ARHGEF28: variants seen among roughly 807,000 people sequenced by gnomAD.
The protein encoded by ARHGEF28 is Rho guanine nucleotide exchange factor 28.
ARHGEF28 carries 152 observed loss-of-function variants against 206.6 expected under a neutral mutation model. The ratio of observed to expected loss-of-function variants is 0.74; its 90% CI spans 0.64 to 0.84. The LOEUF is 0.84. ARHGEF28 is among the 40% of genes least tolerant of loss of function. The pLI is 0.00. For synonymous variants in ARHGEF28, 763 were observed against 776.4 expected (o/e 0.98, Z 0.29); for missense variants, 2,028 against 2,073.2 (o/e 0.98, Z 0.42).
chr5:73,642,514 C>G lies in ARHGEF28; in HGVS notation c.-12+16192C>G, dbSNP rs78513156. Among the ~76,000 whole-genome samples, 801 of 152,192 alleles carry G rather than the reference C, an allele frequency of 5.3e-3. 4 individuals carry two copies. The highest frequency in any genetic ancestry group is 0.018 in the African/African-American group (750 of 41,512). The stretch of plus-strand genomic sequence containing the variant: ...CTGTTCCCAGTGTGTTTAATGCATT[C>G]CAGGAGTCTGTTTGCATTTTAAATG... On this transcript the variant is annotated intron_variant, in intron 1 of 35. Transcript: ENST00000513042.
intron 1 of ARHGEF28, among the ~76,000 whole-genome samples, chr5:73,668,010 T>A (rs566080243): frequency 6.6e-6 from 1 of 152,354 alleles, no homozygotes; most frequent in African/African-American, 2.4e-5. Flanking sequence ...CATTCATATT[T>A]CTACCACATT....
chr5:73,764,100 C>G (rs1438961786), intron 4 of ARHGEF28, among the ~76,000 whole-genome samples: 4 of 152,188 alleles, frequency 2.6e-5, no homozygotes, highest in Non-Finnish European at 5.9e-5. Flanking sequence ...ATTACAGCCC[C>G]CTGGCAATCC....
intron 9 of ARHGEF28, among the ~76,000 whole-genome samples, chr5:73,812,617 T>C (rs1755911417): frequency 6.6e-6 from 1 of 151,996 alleles, no homozygotes; most frequent in Non-Finnish European, 1.5e-5. Context: ...AGTGCCACGA[T>C]TTATGGGGAG....
rs2973559 is a variant in ARHGEF28, at chr5:73,865,733, C to A, written c.2104-232C>A. Among the ~76,000 whole-genome samples the A allele has an allele frequency of 0.27, 41,123 of 151,958 alleles. 6,164 individuals are homozygous for A. Among genetic ancestry groups the A allele is most frequent in the Admixed American group, 0.38 (5,808 of 15,266 alleles). The stretch of plus-strand genomic sequence containing the variant: ...GTTCCCCTGAGGCTTTTAATGAAGC[C>A]AGGAGTGTTCAGGAGGCGCATGTTC... On this transcript the variant is annotated intron_variant, in intron 17 of 35. Transcript: ENST00000513042.
At chr5:73,742,141 T>G (rs2112378977) in intron 2 of ARHGEF28, among the ~76,000 whole-genome samples, 1 of 152,322 alleles carries the variant, frequency 6.6e-6, no homozygotes, top group South Asian at 2.1e-4. Context: ...AGCTTTTTCT[T>G]GGTTAGTTTT....
At chr5:73,740,435 T>C (rs1052452972) in intron 2 of ARHGEF28, among the ~76,000 whole-genome samples, 1 of 152,180 alleles carries the variant, frequency 6.6e-6, no homozygotes, top group Non-Finnish European at 1.5e-5. Context: ...TGCTTGTTCC[T>C]CCTAAGCTGA....
intron 1 of ARHGEF28, among the ~76,000 whole-genome samples, chr5:73,652,662 GA>G (rs1744908260): frequency 6.6e-6 from 1 of 152,186 alleles, no homozygotes; most frequent in South Asian, 2.1e-4. Context: ...ATATTGCTCC[GA>G]AAAGGTCATT....
intron 2 of ARHGEF28, among the ~76,000 whole-genome samples, chr5:73,725,487 T>C (rs1418095812): frequency 1.3e-5 from 2 of 149,752 alleles, no homozygotes; most frequent in Non-Finnish European, 3.0e-5. Flanking sequence ...TTAACTGTTA[T>C]TTAAATGGTG....
chr5:73,642,009 T>C (rs1554049853), intron 1 of ARHGEF28, among the ~76,000 whole-genome samples: 1 of 152,218 alleles, frequency 6.6e-6, no homozygotes, highest in Non-Finnish European at 1.5e-5. Context: ...CTGCGGGGTT[T>C]GTAGCCTGTT....
At chr5:73,721,218 G>A (rs1050558944) in intron 2 of ARHGEF28, among the ~76,000 whole-genome samples, 2 of 152,168 alleles carry the variant, frequency 1.3e-5, no homozygotes, top group South Asian at 4.1e-4. Context: ...CTGGGAATAG[G>A]CTGGGTTGCA....
chr5:73,855,863 G>A (rs774963892), intron 14 of ARHGEF28, among the ~76,000 whole-genome samples: 1 of 152,182 alleles, frequency 6.6e-6, no homozygotes, highest in African/African-American at 2.4e-5. Context: ...AAGGGAGTTG[G>A]GAGTAGAGTT....
intron 1 of ARHGEF28, among the ~76,000 whole-genome samples, chr5:73,660,099 T>G (rs1051848823): frequency 6.6e-6 from 1 of 152,236 alleles, no homozygotes; most frequent in Admixed American, 6.5e-5. Flanking sequence ...TGGTAATACT[T>G]CTTTCAAATC....
At chr5:73,911,245 A>G (rs1192595801) in intron 34 of ARHGEF28, 30 bp from the exon 35 acceptor site, 16 of 1,519,122 alleles carry the variant, frequency 1.1e-5, no homozygotes, top group Non-Finnish European at 1.3e-5. Flanking sequence ...TAGAAAAATT[A>G]TTGTACTTTT....
intron 2 of ARHGEF28, among the ~76,000 whole-genome samples, chr5:73,690,695 C>T (rs926390122): frequency 6.6e-6 from 1 of 152,046 alleles, no homozygotes; most frequent in Non-Finnish European, 1.5e-5. Context: ...AATACCCTAT[C>T]TCAACAAAAA....
chr5:73,704,798 C>T (rs942591042), intron 2 of ARHGEF28, among the ~76,000 whole-genome samples: 5 of 152,276 alleles, frequency 3.3e-5, no homozygotes, highest in Admixed American at 3.3e-4. Flanking sequence ...TTTGCCTCAT[C>T]ATACAGTTGT....
intron 7 of ARHGEF28, among the ~76,000 whole-genome samples, chr5:73,793,517 G>A (rs1245229402): frequency 3.9e-5 from 6 of 152,156 alleles, no homozygotes; most frequent in Non-Finnish European, 8.8e-5. Context: ...AACTTCAGGC[G>A]TTTCCCCAGG....
intron 2 of ARHGEF28, among the ~76,000 whole-genome samples, chr5:73,689,799 G>A (rs145846367): frequency 6.6e-6 from 1 of 152,036 alleles, no homozygotes; most frequent in East Asian, 1.9e-4. Flanking sequence ...AAACACCAGA[G>A]GCCTGCAGTC....
At chr5:73,935,667 A>G (rs1764377913) in intron 35 of ARHGEF28, among the ~76,000 whole-genome samples, 1 of 152,218 alleles carries the variant, frequency 6.6e-6, no homozygotes, top group Admixed American at 6.5e-5. Flanking sequence ...TATAACTTAT[A>G]TTACAGAGTT....
intron 2 of ARHGEF28, among the ~76,000 whole-genome samples, chr5:73,736,725 G>T (rs1256545598): frequency 1.3e-5 from 2 of 152,108 alleles, no homozygotes; most frequent in African/African-American, 4.8e-5. Context: ...AACTGAGATT[G>T]CTTCAGTAAC....
Sources: gnomAD v4.1 joint callset for allele counts (sites outside exome capture counted in the v4.1 genomes callset) on GRCh38, gnomAD v4.1.1 for gene constraint, MANE v1.5 for transcripts, NCBI Gene and HGNC (gene_info 2026-07-23, HGNC 2026-07-21) for gene names.